TTC21B: variants seen among roughly 807,000 people sequenced by gnomAD.
TTC21B encodes tetratricopeptide repeat protein 21B.
TTC21B carries 127 observed loss-of-function variants against 175.1 expected under a neutral mutation model. The observed-to-expected ratio is 0.73, with a 90% CI of 0.63 to 0.84. The LOEUF (loss-of-function observed/expected upper bound fraction) is 0.84, where lower values mean the gene tolerates loss of function less well. TTC21B is among the 40% of genes least tolerant of loss of function. The probability of loss-of-function intolerance (pLI) is 0.00; values close to 1 mark genes in which losing one functional copy is unlikely to be tolerated. For synonymous variants in TTC21B, 524 were observed against 524.5 expected (o/e 1.00, Z 0.01); for missense variants, 1,561 against 1,558.3 (o/e 1.00, Z -0.03).
rs2105291718 is a variant in TTC21B at position 165,890,621 on chromosome 2, C to T, written c.3121G>A (p.Asp1041Asn). The part of the protein sequence containing the change: ...LYLWYTGEPN[D>N]ALRHFNKARK... The stretch of plus-strand genomic sequence containing the variant: ...GCTTTATTAAAATGTCGAAGGGCAT[C>T]ATTTGGTTCTCCAGTGTACCTTGTT... The change falls in exon 24 of 29, where the codon GAT (aspartate) becomes AAT (asparagine). Residue 1041 changes from aspartate (D) to asparagine (N), a missense_variant. Coordinates refer to ENST00000243344, the MANE Select transcript of TTC21B (RefSeq NM_024753.5). The T allele has an allele frequency of 6.2e-7, 1 of 1,613,722 alleles. No individual in the cohort carries two copies.
intron 1 of TTC21B, among the ~76,000 whole-genome samples, chr2:165,953,054 CATAA>C (rs1293365773): frequency 1.3e-5 from 2 of 152,130 alleles, no homozygotes; most frequent in Non-Finnish European, 2.9e-5. Flanking sequence ...AGTAACCCTT[CATAA>C]ATATTTGCTG....
chr2:165,949,895 G>T, intron 1 of TTC21B, 171 bp from the exon 2 acceptor site: 1 of 592,700 alleles, frequency 1.7e-6, no homozygotes, highest in Non-Finnish European at 2.9e-6. Flanking sequence ...GCTAAGGATT[G>T]CAGAACTGAA....
rs926528647 is a variant in TTC21B, at chr2:165,873,724, C to G, written c.*1031G>C. On this transcript the variant is annotated 3_prime_UTR_variant, in exon 29 of 29. Coordinates refer to ENST00000243344, the MANE Select transcript of TTC21B (RefSeq NM_024753.5). ...CCTATTTAAATTGAGGTTTCAGGAC[C>G]TGATTATTTCTTAAGACCACAATGG... The G allele has an allele frequency of 1.3e-5, 2 of 152,018 alleles. No individual in the cohort carries two copies. The highest frequency in any genetic ancestry group is 2.4e-5 in the African/African-American group (1 of 41,392). 9.4% of individuals were successfully genotyped at this position (152,018 alleles called of 1,614,324 possible).
At chr2:165,948,748 TCTAA>T (rs1209480139) in intron 3 of TTC21B, 1 of 152,270 alleles carries the variant, frequency 6.6e-6, no homozygotes, top group Non-Finnish European at 1.5e-5. Flanking sequence ...GAGATGGAGG[TCTAA>T]CTATGTTGCC....
At chr2:165,884,719 G>A (rs1183699864) in intron 25 of TTC21B, among the ~76,000 whole-genome samples, 2 of 152,162 alleles carry the variant, frequency 1.3e-5, no homozygotes, top group Non-Finnish European at 2.9e-5. Flanking sequence ...ATGTCACTCT[G>A]TGAAACCAAT....
intron 3 of TTC21B, chr2:165,948,187 C>T (rs1687646171): frequency 1.3e-5 from 2 of 152,128 alleles, no homozygotes; most frequent in South Asian, 4.1e-4. Flanking sequence ...AGATTAAGTT[C>T]CAAAATTTCA....
intron 4 of TTC21B, among the ~76,000 whole-genome samples, chr2:165,944,112 T>C (rs1687466541): frequency 6.6e-6 from 1 of 152,154 alleles, no homozygotes; most frequent in South Asian, 2.1e-4. Context: ...TGCTATGTGC[T>C]AAATCAGTGC....
chr2:165,876,109 A>G, intron 28 of TTC21B, 56 bp downstream of exon 28: 1 of 1,019,948 alleles, frequency 9.8e-7, no homozygotes, highest in Admixed American at 1.7e-5. Context: ...GAGATTTAAA[A>G]AAGTAGGAAA....
intron 28 of TTC21B, 132 bp downstream of exon 28, chr2:165,876,033 C>A: frequency 1.5e-6 from 1 of 661,512 alleles, no homozygotes; most frequent in Non-Finnish European, 2.7e-6. Context: ...TGATAATCTC[C>A]CTAAACATAC....
Position 165,945,535 on chromosome 2 carries a change from C to A in TTC21B, c.418G>T (p.Gly140Cys), listed in dbSNP as rs781194892. 1 of 1,613,116 alleles carries A rather than the reference C, an allele frequency of 6.2e-7. No homozygotes were observed. Among genetic ancestry groups the A allele is most frequent in the Non-Finnish European group, 8.5e-7 (1 of 1,179,796 alleles). ...AGAAAAATAGCTACCTGTTTACTAC[C>A]ATCTGATATTTTGATCATTCTGTCA... Reference protein sequence around the residue: ...YIDRMIKISDGSKQGHVLKAW... With the variant: ...YIDRMIKISDCSKQGHVLKAW... Residue 140 changes from glycine to cysteine, a missense_variant, in exon 4 of 29, where the codon GGT becomes TGT. Gly to Cys is a radical substitution (Grantham distance 159, BLOSUM62 -3). Transcript: ENST00000243344.
In TTC21B at chr2:165,876,156, A is replaced by ATTTT. The variant is rs1295023490; in HGVS notation, c.3873+8_3873+9insAAAA. On this transcript the variant is annotated intron_variant, in intron 28 of 28. Transcript: ENST00000243344. ...AAAAATTTTAAGAAATCTAAATTTA[A>ATTTT]GTGTTTACCTGGTGACATATGTCAA... The ATTTT allele has an allele frequency of 6.4e-7, 1 of 1,558,184 alleles. No individual in the cohort carries two copies. The highest frequency in any genetic ancestry group is 8.8e-7 in the Non-Finnish European group (1 of 1,132,148).
chr2:165,923,861 C>T (rs1043063429), intron 12 of TTC21B, among the ~76,000 whole-genome samples: 3 of 151,606 alleles, frequency 2.0e-5, no homozygotes, highest in Admixed American at 6.6e-5. Context: ...AGGTGATCCT[C>T]CCACTTCAGT....
chr2:165,879,845 C>T (rs1168361267), intron 27 of TTC21B: 1 of 152,078 alleles, frequency 6.6e-6, no homozygotes, highest in Non-Finnish European at 1.5e-5. Context: ...TTCCAGGAGA[C>T]AGCAACAAGG....
At chr2:165,947,936 C>A in intron 3 of TTC21B, 1 of 152,146 alleles carries the variant, frequency 6.6e-6, no homozygotes, top group Non-Finnish European at 1.5e-5. Flanking sequence ...GTAAGAATAA[C>A]CAATTAAATA....
rs1261675794 is a variant in TTC21B, at chr2:165,873,848, C to G, written c.*907G>C. 6.6e-6 allele frequency: 1 copy of G among 152,128 alleles called. No homozygotes were observed. The highest frequency in any genetic ancestry group is 1.5e-5 in the Non-Finnish European group (1 of 68,018). The allele number at this position is 152,128 out of a possible 1,614,324, so 9.4% of individuals were successfully genotyped here. ...TTCAATGAAAGTTACATTTTCTGTACTATACCACCACCCATTAACATTACA... is the reference window on the plus strand; with the variant it reads ...TTCAATGAAAGTTACATTTTCTGTAGTATACCACCACCCATTAACATTACA... On this transcript the variant is annotated 3_prime_UTR_variant, in exon 29 of 29. Transcript: ENST00000243344.
chr2:165,907,834 G>T, intron 18 of TTC21B, 50 bp from the exon 19 acceptor site: 2 of 1,293,746 alleles, frequency 1.5e-6, no homozygotes, highest in Non-Finnish European at 1.1e-6. Context: ...TTAAATAAAT[G>T]TTTATATTTT....
At chr2:165,884,356 T>A (rs1274701303) in intron 25 of TTC21B, among the ~76,000 whole-genome samples, 1 of 152,346 alleles carries the variant, frequency 6.6e-6, no homozygotes, top group East Asian at 1.9e-4. Flanking sequence ...AAAATAAAAC[T>A]CTATTTCAGT....
At chr2:165,952,366 A>ATG (rs10647189) in intron 1 of TTC21B, among the ~76,000 whole-genome samples, 142,370 of 152,226 alleles carry the variant, frequency 0.94, 67,342 homozygotes, top group South Asian at 1. Flanking sequence ...GTTTTGAACA[A>ATG]GCCAATTAGA....
chr2:165,897,057 T>C (rs1330532144), intron 22 of TTC21B, among the ~76,000 whole-genome samples: 4 of 152,060 alleles, frequency 2.6e-5, no homozygotes, highest in Non-Finnish European at 4.4e-5. Flanking sequence ...GGTAACAACG[T>C]AGAACAAAAA....
Sources: gnomAD v4.1 joint callset for allele counts (sites outside exome capture counted in the v4.1 genomes callset) on GRCh38, gnomAD v4.1.1 for gene constraint, MANE v1.5 for transcripts, NCBI Gene and HGNC (gene_info 2026-07-23, HGNC 2026-07-21) for gene names.